ARHGEF11: variants seen among roughly 807,000 people sequenced by gnomAD.
The protein encoded by ARHGEF11 is Rho guanine nucleotide exchange factor 11.
Under a neutral mutation model 193.7 loss-of-function variants are expected in ARHGEF11, and 55 were observed. The observed-to-expected ratio is 0.28, with a 90% CI of 0.23 to 0.36. The LOEUF (loss-of-function observed/expected upper bound fraction) is 0.36, where lower values mean the gene tolerates loss of function less well. Among genes scored for constraint, ARHGEF11 ranks in the 10% least tolerant of loss-of-function variants. The pLI is 1.00. For missense variants in ARHGEF11, 1,723 were observed against 2,005.6 expected, an observed-to-expected ratio of 0.86 and a Z score of 2.69; for synonymous variants, 693 against 768.0, an observed-to-expected ratio of 0.90 and a Z score of 1.62.
At chr1:157,034,411 A>T (rs1208975013) in intron 1 of ARHGEF11, among the ~76,000 whole-genome samples, 1 of 152,230 alleles carries the variant, frequency 6.6e-6, no homozygotes, top group Non-Finnish European at 1.5e-5. Flanking sequence ...CCATGGGGAA[A>T]TCCCCAGAAC....
chr1:156,938,095 T>C (rs901712045), intron 38 of ARHGEF11, among the ~76,000 whole-genome samples: 1 of 152,090 alleles, frequency 6.6e-6, no homozygotes. Context: ...GGTGGGGAAG[T>C]GGCTGCTTGC....
chr1:156,976,034 C>G (rs945597956), intron 7 of ARHGEF11, among the ~76,000 whole-genome samples: 1 of 152,162 alleles, frequency 6.6e-6, no homozygotes, highest in African/African-American at 2.4e-5. Context: ...CATCCATATC[C>G]TATGGAATCA....
At chr1:156,950,630 A>G (rs1411738096) in intron 22 of ARHGEF11, among the ~76,000 whole-genome samples, 2 of 152,036 alleles carry the variant, frequency 1.3e-5, no homozygotes, top group African/African-American at 4.8e-5. Context: ...ACAGAGAAAG[A>G]TCCTGTCTCT....
rs529494196 is a variant in ARHGEF11, at chr1:156,964,637, G to A, written c.964-1043C>T. On this transcript the variant is annotated intron_variant, in intron 11 of 40. Coordinates refer to ENST00000368194, the MANE Select transcript of ARHGEF11 (RefSeq NM_198236.3). ...TGAGTCACAGAACATGAGCGGCCCA[G>A]AAGGTATCTCAGACACTAGAGTCTA... Among the ~76,000 whole-genome samples the A allele has an allele frequency of 5.3e-5, 8 of 152,298 alleles. No individual in the cohort carries two copies. In the East Asian group the frequency reaches 1.5e-3, roughly 29 times the overall value.
In ARHGEF11 at chr1:156,956,405, A is replaced by T. The variant is rs1233083657; in HGVS notation, c.1671+15T>A. ...ACTAGGATTACAGGCATGAGCCACC[A>T]TGCCCGGCCCTCACCTTCTTGGTCT... On this transcript the variant is annotated intron_variant, in intron 19 of 40. Coordinates refer to ENST00000368194, the MANE Select transcript of ARHGEF11 (RefSeq NM_198236.3). The T allele has an allele frequency of 1.2e-6, 2 of 1,613,858 alleles. No homozygotes were observed. Among genetic ancestry groups the T allele is most frequent in the East Asian group, 4.5e-5 (2 of 44,864 alleles).
rs1272151738 is a variant in ARHGEF11 at position 156,980,432 on chromosome 1, C to T, written c.273+5G>A. ...GGAGTGGGAGTGTGTGTTGGGGTCA[C>T]TCACTTTGATGATCCGGTCGCCCTC... On this transcript the variant is annotated splice_donor_5th_base_variant and intron_variant, in intron 4 of 40. Transcript: ENST00000368194. 1.2e-6 allele frequency: 2 copies of T among 1,604,344 alleles called. No individual in the cohort carries two copies. Among genetic ancestry groups the T allele is most frequent in the Non-Finnish European group, 8.5e-7 (1 of 1,175,108 alleles).
intron 1 of ARHGEF11, among the ~76,000 whole-genome samples, chr1:157,041,011 G>A (rs1672679566): frequency 6.6e-6 from 1 of 152,154 alleles, no homozygotes; most frequent in Non-Finnish European, 1.5e-5. Context: ...ACATAGTTAA[G>A]GGGAAAGCCA....
chr1:156,980,375 AG>A (rs1192661122), intron 4 of ARHGEF11, 61 bp downstream of exon 4: 1 of 1,558,818 alleles, frequency 6.4e-7, no homozygotes, highest in Non-Finnish European at 8.7e-7. Flanking sequence ...GGCCAAGGCC[AG>A]GAGTGCCCTG....
chr1:157,025,004 T>C (rs141687336), intron 1 of ARHGEF11, among the ~76,000 whole-genome samples: 1,971 of 152,340 alleles, frequency 0.013, 39 homozygotes, highest in African/African-American at 0.045. Flanking sequence ...ACATACCTCA[T>C]GTTAAGTATA....
chr1:156,976,215 T>G (rs1222286086), intron 7 of ARHGEF11, among the ~76,000 whole-genome samples: 1 of 152,216 alleles, frequency 6.6e-6, no homozygotes. Context: ...TGACCTATGC[T>G]GTCTTTTCAC....
intron 1 of ARHGEF11, among the ~76,000 whole-genome samples, chr1:157,023,946 C>A (rs1407647299): frequency 1.3e-5 from 2 of 152,012 alleles, no homozygotes; most frequent in African/African-American, 2.4e-5. Flanking sequence ...CATATACAAC[C>A]AAGAGAAATA....
At position 156,948,066 on chromosome 1, in the gene ARHGEF11, T is replaced by C. The variant is rs1263653328; in HGVS notation, c.2154-110A>G. The C allele has an allele frequency of 1.3e-6, 2 of 1,539,000 alleles. No homozygotes were observed. The highest frequency in any genetic ancestry group is 1.4e-5 in the African/African-American group (1 of 73,284). ...TTGCCCCATGCACATGGGAAACCAG[T>C]GGGCCCAGAAGAGGAGACAGCCACC... is the stretch of plus-strand genomic sequence containing the variant. On this transcript the variant is annotated intron_variant, in intron 24 of 40. Coordinates refer to ENST00000368194, the MANE Select transcript of ARHGEF11 (RefSeq NM_198236.3). This position sits in a 1 kb window ranked among gnomAD's most constrained non-coding sequence, Gnocchi z 4.2.
At chr1:157,033,510 T>C (rs984324702) in intron 1 of ARHGEF11, among the ~76,000 whole-genome samples, 13 of 152,220 alleles carry the variant, frequency 8.5e-5, no homozygotes, top group Non-Finnish European at 1.6e-4. Context: ...ATGTCTGCAC[T>C]GTAGCCATGG....
intron 21 of ARHGEF11, among the ~76,000 whole-genome samples, chr1:156,954,680 G>C (rs74116939): frequency 0.014 from 2,125 of 152,348 alleles, 52 homozygotes; most frequent in African/African-American, 0.049. Flanking sequence ...CCTGGCATGA[G>C]GGTGGTGCCC....
rs1655685824 is a variant in ARHGEF11 at position 156,937,396 on chromosome 1, T to G, written c.4293A>C (p.Ala1431=). 6.3e-7 allele frequency: 1 copy of G among 1,599,858 alleles called. No homozygotes were observed. The highest frequency in any genetic ancestry group is 8.5e-7 in the Non-Finnish European group (1 of 1,173,312). The change falls in exon 39 of 41, where the codon GCA becomes GCC. Residue 1431 remains alanine (A), a synonymous_variant. Coordinates refer to ENST00000368194, the MANE Select transcript of ARHGEF11 (RefSeq NM_198236.3). ...GCTGAGGCTGAGGCTCTGTCTGCCCTGCAGGGAGGCTGTCAGGCTGAGGGG... is the reference window on the plus strand; with the variant it reads ...GCTGAGGCTGAGGCTCTGTCTGCCCGGCAGGGAGGCTGTCAGGCTGAGGGG... ...MSPPQPDSLP[A]GQTEPQPQLQ...
At chr1:157,000,310 A>G (rs1667064183) in intron 1 of ARHGEF11, among the ~76,000 whole-genome samples, 1 of 152,230 alleles carries the variant, frequency 6.6e-6, no homozygotes, top group Non-Finnish European at 1.5e-5. Context: ...AAAGATAAGT[A>G]AATATGTTCT....
chr1:157,006,713 CT>C (rs1667869614), intron 1 of ARHGEF11, among the ~76,000 whole-genome samples: 1 of 152,194 alleles, frequency 6.6e-6, no homozygotes. Flanking sequence ...AAGGCAGAGA[CT>C]GAGAAAAGTT....
chr1:156,987,398 C>A (rs1296689065), intron 1 of ARHGEF11, among the ~76,000 whole-genome samples: 1 of 152,064 alleles, frequency 6.6e-6, no homozygotes, highest in African/African-American at 2.4e-5. Flanking sequence ...GTGAAATAAA[C>A]AAAATATAGA....
At position 156,955,684 on chromosome 1, in the gene ARHGEF11, T is replaced by C. The variant is rs531995232; in HGVS notation, c.1768+19A>G. ...CCTGCCCAAGGAATGCCCAAGGCTG[T>C]TGCTCCCCAAATACTCACTGCTTTG... On this transcript the variant is annotated intron_variant, in intron 20 of 40. Transcript: ENST00000368194. 1.4e-5 allele frequency: 23 copies of C among 1,598,454 alleles called. No individual in the cohort carries two copies. Among genetic ancestry groups the C allele is most frequent in the Middle Eastern group, 1.7e-4 (1 of 6,038 alleles).
Sources: allele counts gnomAD v4.1 joint callset (sites outside exome capture counted in the v4.1 genomes callset), GRCh38; gene constraint gnomAD v4.1.1; non-coding constraint Gnocchi (gnomAD v3.1); transcripts MANE v1.5; gene names NCBI Gene and HGNC (gene_info 2026-07-23, HGNC 2026-07-21).